Variants in DOCK1 observed in about 807,000 individuals in gnomAD.
The protein encoded by DOCK1 is dedicator of cytokinesis protein 1.
Under a neutral mutation model 262.7 loss-of-function variants are expected in DOCK1, and 138 were observed. The ratio of observed to expected loss-of-function variants is 0.53; its 90% confidence interval spans 0.46 to 0.61. DOCK1 has a LOEUF of 0.61. Ranked by LOEUF, DOCK1 falls within the 20% of genes least tolerant of loss-of-function variation. The pLI is 0.00. For missense variants in DOCK1, 1,908 were observed against 2,370.7 expected (o/e 0.80, Z 4.05); for synonymous variants, 866 against 867.4 (o/e 1.00, Z 0.03).
chr10:127,237,843 G>A (rs2059126944), intron 27 of DOCK1, among the ~76,000 whole-genome samples: 1 of 152,158 alleles, frequency 6.6e-6, no homozygotes, highest in African/African-American at 2.4e-5. Context: ...TGTCATATAA[G>A]TCTTCTCACT....
rs192629989 is a variant in DOCK1 at position 127,029,167 on chromosome 10, T to C, written c.1625-2483T>C. 2.0e-5 allele frequency among the ~76,000 whole-genome samples: 3 copies of C among 149,940 alleles called. No homozygotes were observed. The East Asian group carries it at 5.8e-4, about 29-fold the overall frequency. ...ACACATCTGCATAATAAATGAAGTCTCCGTGGCCACAGCTTGTGGGATTTT... is the reference window on the plus strand; with the variant it reads ...ACACATCTGCATAATAAATGAAGTCCCCGTGGCCACAGCTTGTGGGATTTT... On this transcript the variant is annotated intron_variant, in intron 16 of 51. Transcript: ENST00000623213.
At chr10:127,016,753 A>C (rs1384908103) in intron 12 of DOCK1, among the ~76,000 whole-genome samples, 1 of 151,310 alleles carries the variant, frequency 6.6e-6, no homozygotes, top group Non-Finnish European at 1.5e-5. Context: ...ACACACTAAC[A>C]CAGATATAAA....
At chr10:127,180,761 G>A (rs2055648360) in intron 27 of DOCK1, among the ~76,000 whole-genome samples, 1 of 152,122 alleles carries the variant, frequency 6.6e-6, no homozygotes, top group African/African-American at 2.4e-5. Context: ...CACTCTGGGC[G>A]GCCATTAAAA....
rs1287497046 is a variant in DOCK1 at position 127,026,334 on chromosome 10, C to G, written c.1552-18C>G. ...GATATTGATAACAGTGCTTAAACTT[C>G]TTTTTCAATTCTTGAAGGTGGCCAT... On this transcript the variant is annotated intron_variant, in intron 15 of 51. Transcript: ENST00000623213. The G allele has an allele frequency of 3.9e-6, 6 of 1,555,344 alleles. No individual in the cohort carries two copies. The highest frequency in any genetic ancestry group is 5.2e-6 in the Non-Finnish European group (6 of 1,148,614).
At chr10:126,985,720 G>A (rs972270569) in intron 4 of DOCK1, among the ~76,000 whole-genome samples, 1 of 152,196 alleles carries the variant, frequency 6.6e-6, no homozygotes, top group Non-Finnish European at 1.5e-5. Context: ...GGATGACACC[G>A]TAGCATGTAA....
chr10:127,080,525 G>A (rs2046841363), intron 23 of DOCK1, among the ~76,000 whole-genome samples: 1 of 151,976 alleles, frequency 6.6e-6, no homozygotes, highest in African/African-American at 2.4e-5. Flanking sequence ...ACATTGTATT[G>A]CAAGCAGAAA....
chr10:127,322,379 G>A lies in DOCK1; in HGVS notation c.3045-16627G>A, dbSNP rs5000133. ...TAATTTTTGTATTTTTAGTAGTGAT[G>A]GGGTTTCCCCATGTTAGCCAGGCTG... On this transcript the variant is annotated intron_variant, in intron 29 of 51. Transcript: ENST00000623213. 8.8e-3 allele frequency among the ~76,000 whole-genome samples: 1,313 copies of A among 149,128 alleles called. 69 individuals are homozygous for A. Among genetic ancestry groups the A allele is most frequent in the Admixed American group, 0.08 (1,212 of 15,142 alleles).
intron 1 of DOCK1, among the ~76,000 whole-genome samples, chr10:126,958,217 T>C (rs2036904324): frequency 6.6e-6 from 1 of 152,194 alleles, no homozygotes; most frequent in South Asian, 2.1e-4. Flanking sequence ...TGTATACATG[T>C]AGATGGATGT....
At position 127,362,074 on chromosome 10, in the gene DOCK1, G is replaced by A. The variant is rs760626662; in HGVS notation, c.3294G>A (p.Lys1098=). Reference sequence around the variant, plus strand: ...CCTCTTTTTTCCAAGGTCAACACAAGATAAAGTTCATTCCAGAAATGGTGG... The same window carrying A: ...CCTCTTTTTTCCAAGGTCAACACAAAATAAAGTTCATTCCAGAAATGGTGG... ...RDMWYNLGQH[K]IKFIPEMVGP... Residue 1098 remains lysine, a synonymous_variant, in exon 33 of 52, where the codon AAG becomes AAA. Transcript: ENST00000623213. The A allele has an allele frequency of 4.7e-5, 75 of 1,609,746 alleles. No homozygotes were observed. The highest frequency in any genetic ancestry group is 1.7e-6 in the Non-Finnish European group (2 of 1,178,774).
intron 29 of DOCK1, among the ~76,000 whole-genome samples, chr10:127,283,234 G>T (rs796910392): frequency 7.2e-5 from 11 of 152,322 alleles, no homozygotes; most frequent in African/African-American, 2.4e-4. Context: ...GGATGGGACT[G>T]CTGGGTTCCT....
chr10:127,064,539 C>T (rs1158062210), intron 23 of DOCK1, among the ~76,000 whole-genome samples: 1 of 152,098 alleles, frequency 6.6e-6, no homozygotes, highest in African/African-American at 2.4e-5. Context: ...ACGCGTGGGC[C>T]AGTTTTTATG....
At chr10:127,026,059 C>CAAAAA (rs71490104) in intron 15 of DOCK1, 5,593 of 228,676 alleles carry the variant, frequency 0.024, 6 homozygotes, top group South Asian at 0.044. Flanking sequence ...AACTCTGTAT[C>CAAAAA]AAAAAAAAAA....
intron 29 of DOCK1, among the ~76,000 whole-genome samples, chr10:127,313,963 A>AG (rs1248291978): frequency 6.6e-6 from 1 of 152,280 alleles, no homozygotes; most frequent in African/African-American, 2.4e-5. Flanking sequence ...TGTTCTGTTC[A>AG]GATGCTTTGT....
intron 1 of DOCK1, among the ~76,000 whole-genome samples, chr10:126,912,728 A>G (rs200045538): frequency 1.1e-3 from 1 of 872 alleles, no homozygotes; most frequent in South Asian, 0.17. Flanking sequence ...TCCATCTCGG[A>G]AAAAAAAAAA....
chr10:127,123,305 T>C (rs1007335713), intron 25 of DOCK1, among the ~76,000 whole-genome samples: 1 of 152,196 alleles, frequency 6.6e-6, no homozygotes, highest in Non-Finnish European at 1.5e-5. Flanking sequence ...GTGGCAGTGC[T>C]AGGGATGACC....
chr10:127,385,108 T>C (rs2274377), intron 38 of DOCK1, among the ~76,000 whole-genome samples, 199 bp downstream of exon 38: 2 of 152,040 alleles, frequency 1.3e-5, no homozygotes, highest in African/African-American at 4.8e-5. Context: ...ATAGCCCTTT[T>C]ATAGATGCTC....
intron 48 of DOCK1, among the ~76,000 whole-genome samples, chr10:127,438,077 A>G (rs2069819564): frequency 6.6e-6 from 1 of 152,198 alleles, no homozygotes; most frequent in Non-Finnish European, 1.5e-5. Context: ...AGGCGGGCCC[A>G]TGCCTTCATC....
intron 49 of DOCK1, among the ~76,000 whole-genome samples, chr10:127,443,550 G>A (rs2070331620): frequency 6.6e-6 from 1 of 152,084 alleles, no homozygotes; most frequent in Non-Finnish European, 1.5e-5. Flanking sequence ...CCAGGTTTGT[G>A]GGGCTCTCCC....
rs1592022626 is a variant in DOCK1, at chr10:127,100,051, G to A, written c.2446-6180G>A. On this transcript the variant is annotated intron_variant, in intron 23 of 51. Coordinates refer to ENST00000623213, the MANE Select transcript of DOCK1 (RefSeq NM_001290223.2). This position sits in a 1 kb window ranked among gnomAD's most constrained non-coding sequence, Gnocchi z 5.5. ...CTGCAGGTACCAAGGGTGAGTCTGG[G>A]GTGGTGGGGCCAGAGCCCATGGCCC... 6.6e-6 allele frequency among the ~76,000 whole-genome samples: 1 copy of A among 152,156 alleles called. No homozygotes were observed. The highest frequency in any genetic ancestry group is 1.9e-4 in the East Asian group (1 of 5,162).
Sources: gnomAD v4.1 joint callset for allele counts (sites outside exome capture counted in the v4.1 genomes callset) on GRCh38, gnomAD v4.1.1 for gene constraint, Gnocchi (gnomAD v3.1) non-coding constraint, MANE v1.5 for transcripts, NCBI Gene and HGNC (gene_info 2026-07-23, HGNC 2026-07-21) for gene names.